The following DIS3L2 variants were observed in gnomAD, a reference collection of about 807,000 sequenced individuals.
DIS3L2 encodes DIS3 like 3'-5' exoribonuclease 2.
A neutral mutation model predicts 97.5 loss-of-function variants in DIS3L2; 34 were observed. The observed-to-expected ratio is 0.35, with a 90% confidence interval of 0.27 to 0.46. The LOEUF (loss-of-function observed/expected upper bound fraction) is 0.46. DIS3L2 is among the 20% of genes least tolerant of loss of function. The pLI is 1.00. For missense variants in DIS3L2, 1,038 were observed against 1,146.0 expected, an observed-to-expected ratio of 0.91 and a Z score of 1.36; for synonymous variants, 435 against 445.2, an observed-to-expected ratio of 0.98 and a Z score of 0.29.
intron 8 of DIS3L2, among the ~76,000 whole-genome samples, chr2:232,161,659 C>T (rs562139948): frequency 6.5e-4 from 99 of 152,230 alleles, no homozygotes; most frequent in South Asian, 2.7e-3. Flanking sequence ...TTAGTAGAAA[C>T]GGGGTTTCAC....
rs189259633 is a variant in DIS3L2, at chr2:232,276,223, A to G, written c.1659+12783A>G. Among the ~76,000 whole-genome samples, 513 of 152,334 alleles carry G rather than the reference A, an allele frequency of 3.4e-3. 6 individuals are homozygous for G. Among genetic ancestry groups the G allele is most frequent in the Admixed American group, 0.031 (472 of 15,308 alleles). Reference sequence around the variant, plus strand: ...CTGGTTTCGAAGCACATTTGAACAGAGAGCTGTGACTGAGCTCTGAGAATG... The same window carrying G: ...CTGGTTTCGAAGCACATTTGAACAGGGAGCTGTGACTGAGCTCTGAGAATG... On this transcript the variant is annotated intron_variant, in intron 13 of 20. Transcript: ENST00000325385. The surrounding 1 kb of genome is among the most constrained non-coding windows in gnomAD (Gnocchi z 4.4).
chr2:232,316,119 T>A (rs902432242), intron 14 of DIS3L2, among the ~76,000 whole-genome samples: 1 of 152,102 alleles, frequency 6.6e-6, no homozygotes, highest in Non-Finnish European at 1.5e-5. Context: ...GGTGTGTCTG[T>A]GTGTTCGCGA....
chr2:232,182,797 A>G (rs909214814), intron 9 of DIS3L2, among the ~76,000 whole-genome samples: 13 of 152,198 alleles, frequency 8.5e-5, no homozygotes, highest in African/African-American at 3.1e-4. Context: ...AGGCACACAC[A>G]CACATACAAT....
intron 14 of DIS3L2, among the ~76,000 whole-genome samples, chr2:232,301,342 C>T (rs1460977036): frequency 1.3e-5 from 2 of 152,014 alleles, no homozygotes; most frequent in Non-Finnish European, 2.9e-5. Flanking sequence ...GCAGTCCCAT[C>T]CTGGACTTAA....
chr2:232,282,743 C>T lies in DIS3L2; in HGVS notation c.1660-17297C>T, dbSNP rs11688213. ...TTCGCACTGGCCCCTTCTCTGTGCT[C>T]AGTGTGCTGCTGGGGGCCTCTGCAC... is the stretch of plus-strand genomic sequence containing the variant. On this transcript the variant is annotated intron_variant, in intron 13 of 20. Transcript: ENST00000325385. 2.8e-3 allele frequency among the ~76,000 whole-genome samples: 430 copies of T among 152,318 alleles called. 1 individual carries two copies. Among genetic ancestry groups the T allele is most frequent in the Non-Finnish European group, 4.7e-3 (318 of 68,026 alleles).
At chr2:232,090,260 T>C (rs968324198) in intron 6 of DIS3L2, among the ~76,000 whole-genome samples, 11 of 152,156 alleles carry the variant, frequency 7.2e-5, no homozygotes, top group African/African-American at 2.4e-4. Context: ...CAAGTAAATA[T>C]CACTGAGTAC....
chr2:232,012,917 AC>A (rs1694249094), intron 1 of DIS3L2, among the ~76,000 whole-genome samples: 1 of 152,168 alleles, frequency 6.6e-6, no homozygotes. Flanking sequence ...TATGCAAATG[AC>A]TGGCTAACTT....
chr2:232,219,073 G>A (rs1429671005), intron 10 of DIS3L2, among the ~76,000 whole-genome samples: 1 of 152,128 alleles, frequency 6.6e-6, no homozygotes, highest in Non-Finnish European at 1.5e-5. Context: ...ACAAGGTCTT[G>A]CCTCCCTGCC....
chr2:232,002,003 A>G (rs1693923968), intron 1 of DIS3L2, among the ~76,000 whole-genome samples: 1 of 152,078 alleles, frequency 6.6e-6, no homozygotes, highest in Admixed American at 6.6e-5. Flanking sequence ...TTACAGGCTG[A>G]GACACCACTC....
At chr2:232,164,958 G>A (rs557762901) in intron 9 of DIS3L2, among the ~76,000 whole-genome samples, 2 of 152,322 alleles carry the variant, frequency 1.3e-5, no homozygotes, top group African/African-American at 4.8e-5. Flanking sequence ...AATGGGAAAA[G>A]AATGCTAGAA....
chr2:232,300,154 A>T, intron 14 of DIS3L2, 35 bp downstream of exon 14: 1 of 1,599,862 alleles, frequency 6.3e-7, no homozygotes. Context: ...GTCACTTCAC[A>T]TGTGTGCAGC....
At chr2:232,287,930 A>G (rs923411613) in intron 13 of DIS3L2, among the ~76,000 whole-genome samples, 1 of 152,224 alleles carries the variant, frequency 6.6e-6, no homozygotes, top group Non-Finnish European at 1.5e-5. Flanking sequence ...AACCCCAGGT[A>G]TGGGCCCCAT....
At chr2:232,066,180 T>C (rs1282049885) in intron 5 of DIS3L2, among the ~76,000 whole-genome samples, 1 of 151,986 alleles carries the variant, frequency 6.6e-6, no homozygotes, top group Admixed American at 6.6e-5. Context: ...ACTATGATGT[T>C]GAACACAAGT....
intron 5 of DIS3L2, among the ~76,000 whole-genome samples, chr2:232,032,197 C>G (rs559077451): frequency 2.0e-5 from 3 of 152,288 alleles, no homozygotes; most frequent in East Asian, 3.9e-4. Flanking sequence ...TTAGTGATCT[C>G]CATTCTAACT....
In DIS3L2 at chr2:232,222,433, A is replaced by G. The variant is rs755460047; in HGVS notation, c.1204+12028A>G. On this transcript the variant is annotated intron_variant, in intron 10 of 20. Coordinates refer to ENST00000325385, the MANE Select transcript of DIS3L2 (RefSeq NM_152383.5). ...CTGTAGATCTGTCAGCTCATAAGGA[A>G]ATGCATGTCTTCTTCATTCATCTGG... 5.9e-5 allele frequency among the ~76,000 whole-genome samples: 9 copies of G among 152,184 alleles called. No individual in the cohort carries two copies. The East Asian group carries it at 1.7e-3, about 30-fold the overall frequency.
chr2:232,182,608 ATG>A (rs1237877421), intron 9 of DIS3L2, among the ~76,000 whole-genome samples: 14 of 152,106 alleles, frequency 9.2e-5, no homozygotes, highest in African/African-American at 3.1e-4. Context: ...TGTTAGATGC[ATG>A]TGTGTTTATA....
At chr2:232,026,296 A>G (rs977924220) in intron 4 of DIS3L2, among the ~76,000 whole-genome samples, 1 of 152,120 alleles carries the variant, frequency 6.6e-6, no homozygotes, top group Non-Finnish European at 1.5e-5. Flanking sequence ...TCCTTGCCAA[A>G]TACACCTTCA....
chr2:231,979,154 T>A (rs1693178766), intron 1 of DIS3L2, among the ~76,000 whole-genome samples: 1 of 152,134 alleles, frequency 6.6e-6, no homozygotes, highest in Non-Finnish European at 1.5e-5. Context: ...CTCCTAGGTT[T>A]TAAGCTATTT....
intron 10 of DIS3L2, among the ~76,000 whole-genome samples, chr2:232,237,070 A>G (rs1188044256): frequency 6.6e-6 from 1 of 152,124 alleles, no homozygotes; most frequent in Non-Finnish European, 1.5e-5. Context: ...TTTTACATGT[A>G]TACTCTTTTT....
Sources: allele counts gnomAD v4.1 joint callset (sites outside exome capture counted in the v4.1 genomes callset), GRCh38; gene constraint gnomAD v4.1.1; non-coding constraint Gnocchi (gnomAD v3.1); transcripts MANE v1.5; gene names NCBI Gene and HGNC (gene_info 2026-07-23, HGNC 2026-07-21).